The following TMC1 variants were observed in gnomAD, a reference collection of about 807,000 sequenced individuals.
TMC1 encodes transmembrane channel-like protein 1.
A neutral mutation model predicts 105.8 loss-of-function variants in TMC1; 84 were observed. The ratio of observed to expected loss-of-function variants is 0.79; its 90% confidence interval spans 0.67 to 0.95. The LOEUF (loss-of-function observed/expected upper bound fraction) is 0.95, where lower values mean the gene tolerates loss of function less well. TMC1 is among the 40% of genes least tolerant of loss of function. TMC1 has a pLI of 0.00. For synonymous variants in TMC1, 315 were observed against 311.5 expected (o/e 1.01, Z -0.12); for missense variants, 817 against 914.1 (o/e 0.89, Z 1.37).
chr9:72,549,174 G>C (rs1024312218), intron 1 of TMC1, among the ~76,000 whole-genome samples: 1 of 152,158 alleles, frequency 6.6e-6, no homozygotes, highest in Non-Finnish European at 1.5e-5. Context: ...ACCTGTTATT[G>C]TACACTCATG....
chr9:72,541,837 G>A (rs1823684072), intron 1 of TMC1, among the ~76,000 whole-genome samples: 1 of 152,164 alleles, frequency 6.6e-6, no homozygotes, highest in African/African-American at 2.4e-5. Flanking sequence ...AAGATCTGAA[G>A]TCAGGAAGAA....
At chr9:72,629,892 G>A (rs777532455) in intron 4 of TMC1, among the ~76,000 whole-genome samples, 9 of 151,976 alleles carry the variant, frequency 5.9e-5, no homozygotes, top group Non-Finnish European at 1.0e-4. Flanking sequence ...TTGAGGTGGA[G>A]TCTCACTCTG....
chr9:72,562,871 A>G (rs1049086658), intron 1 of TMC1, among the ~76,000 whole-genome samples: 2 of 152,170 alleles, frequency 1.3e-5, no homozygotes, highest in African/African-American at 2.4e-5. Context: ...AACCCCAGCT[A>G]CTTGGGAGGC....
intron 21 of TMC1, among the ~76,000 whole-genome samples, chr9:72,828,033 C>T (rs1259269584): frequency 6.6e-6 from 1 of 152,110 alleles, no homozygotes; most frequent in Non-Finnish European, 1.5e-5. Flanking sequence ...GTGATTTTCC[C>T]TAGACAAGAG....
At chr9:72,545,335 A>AT (rs938883748) in intron 1 of TMC1, among the ~76,000 whole-genome samples, 5 of 151,908 alleles carry the variant, frequency 3.3e-5, no homozygotes, top group African/African-American at 1.2e-4. Flanking sequence ...TTTTTTAAAA[A>AT]AAAACCTTTT....
rs573802434 is a variant in TMC1 at position 72,627,948 on chromosome 9, C to A, written c.-168C>A. The A allele has an allele frequency of 1.6e-5, 7 of 440,984 alleles. No individual in the cohort carries two copies. Among genetic ancestry groups the A allele is most frequent in the Non-Finnish European group, 2.7e-5 (6 of 220,986 alleles). The allele number at this position is 440,984 out of a possible 1,614,324, so 27.3% of individuals were successfully genotyped here. On this transcript the variant is annotated 5_prime_UTR_variant, in exon 4 of 24. Coordinates refer to ENST00000297784, the MANE Select transcript of TMC1 (RefSeq NM_138691.3). ...TGCCAGAAGCCTCAAAAATGGAAAACCCCCTGTGCTTCACATCTGAAAATC... is the reference window on the plus strand; with the variant it reads ...TGCCAGAAGCCTCAAAAATGGAAAAACCCCTGTGCTTCACATCTGAAAATC...
chr9:72,643,422 A>G (rs1825658751), intron 4 of TMC1, among the ~76,000 whole-genome samples: 1 of 152,182 alleles, frequency 6.6e-6, no homozygotes, highest in Admixed American at 6.5e-5. Context: ...CAATGAAACC[A>G]TCAACACTTT....
intron 1 of TMC1, among the ~76,000 whole-genome samples, chr9:72,552,372 G>T (rs529084881): frequency 2.7e-4 from 41 of 152,282 alleles, no homozygotes; most frequent in African/African-American, 9.4e-4. Context: ...CCCCCCAGAA[G>T]AGACTTGTAA....
intron 5 of TMC1, among the ~76,000 whole-genome samples, chr9:72,686,411 T>G (rs1051275986): frequency 1.3e-5 from 2 of 152,260 alleles, no homozygotes; most frequent in African/African-American, 4.8e-5. Context: ...CTGAGCTATC[T>G]CTTCACACAG....
chr9:72,627,228 G>A (rs980555361), intron 3 of TMC1, among the ~76,000 whole-genome samples: 1 of 152,112 alleles, frequency 6.6e-6, no homozygotes, highest in African/African-American at 2.4e-5. Flanking sequence ...AGGAGGAATA[G>A]CTTCCTTCTG....
At chr9:72,538,464 C>A (rs1823623416) in intron 1 of TMC1, among the ~76,000 whole-genome samples, 1 of 125,224 alleles carries the variant, frequency 8.0e-6, no homozygotes. Context: ...TGAGACAGAG[C>A]CTTGCTCTGT....
intron 2 of TMC1, among the ~76,000 whole-genome samples, chr9:72,586,078 C>T (rs1481793471): frequency 2.0e-4 from 31 of 152,210 alleles, no homozygotes; most frequent in Non-Finnish European, 4.4e-5. Flanking sequence ...CTGATTTCAA[C>T]ATGCACTAAT....
chr9:72,794,191 G>T (rs577636648), intron 17 of TMC1, among the ~76,000 whole-genome samples: 1 of 152,124 alleles, frequency 6.6e-6, no homozygotes, highest in African/African-American at 2.4e-5. Flanking sequence ...TCTCAATGGG[G>T]TGGAGCCCCC....
At chr9:72,814,574 G>C (rs762661013) in intron 18 of TMC1, among the ~76,000 whole-genome samples, 7 of 152,084 alleles carry the variant, frequency 4.6e-5, no homozygotes, top group Non-Finnish European at 1.0e-4. Context: ...TTAATACACA[G>C]GACTCTTTAT....
chr9:72,656,397 A>G (rs575225697), intron 5 of TMC1, among the ~76,000 whole-genome samples: 49 of 151,990 alleles, frequency 3.2e-4, no homozygotes, highest in Non-Finnish European at 4.6e-4. Flanking sequence ...TTTTTGGGCC[A>G]ATATCTAATC....
At chr9:72,778,416 G>C (rs550727433) in intron 13 of TMC1, among the ~76,000 whole-genome samples, 1 of 152,282 alleles carries the variant, frequency 6.6e-6, no homozygotes, top group South Asian at 2.1e-4. Context: ...TGTCTCCTAA[G>C]GAAGGGAGAG....
chr9:72,711,002 G>A (rs1259724577), intron 8 of TMC1, among the ~76,000 whole-genome samples: 4 of 152,194 alleles, frequency 2.6e-5, no homozygotes, highest in Non-Finnish European at 2.9e-5. Context: ...CCACTTATGA[G>A]TGAGAACATG....
chr9:72,629,406 C>T (rs150930306), intron 4 of TMC1, among the ~76,000 whole-genome samples: 2 of 152,192 alleles, frequency 1.3e-5, no homozygotes, highest in African/African-American at 2.4e-5. Context: ...ACTCCAGTCA[C>T]GGTGATAAAT....
At chr9:72,642,859 C>T (rs1414137492) in intron 4 of TMC1, among the ~76,000 whole-genome samples, 1 of 152,124 alleles carries the variant, frequency 6.6e-6, no homozygotes, top group Non-Finnish European at 1.5e-5. Context: ...TAGAATAATT[C>T]TCTCGTCTCC....
Sources: gnomAD v4.1 joint callset for allele counts (sites outside exome capture counted in the v4.1 genomes callset) on GRCh38, gnomAD v4.1.1 for gene constraint, MANE v1.5 for transcripts, NCBI Gene and HGNC (gene_info 2026-07-23, HGNC 2026-07-21) for gene names.